TAFA2: variants seen among roughly 807,000 people sequenced by gnomAD.
TAFA2 encodes the protein TAFA chemokine like family member 2.
In TAFA2, 7 loss-of-function variants were observed where a neutral mutation model predicts 18.8. That is an observed-to-expected ratio of 0.37 (90% CI 0.21 to 0.70). TAFA2 has a LOEUF of 0.70. TAFA2 is among the 30% of genes least tolerant of loss of function. The pLI, the probability that TAFA2 is intolerant of heterozygous loss-of-function variation, is 0.53. For synonymous variants in TAFA2, 60 were observed against 54.2 expected (o/e 1.11, Z -0.47); for missense variants, 122 against 158.1 (o/e 0.77, Z 1.23).
intron 1 of TAFA2, among the ~76,000 whole-genome samples, chr12:61,910,475 C>T (rs1345915454): frequency 6.6e-6 from 1 of 152,112 alleles, no homozygotes; most frequent in African/African-American, 2.4e-5. Flanking sequence ...TTCTACCAGC[C>T]TCTCAATTCA....
At chr12:62,211,611 T>C (rs899351064) in intron 1 of TAFA2, among the ~76,000 whole-genome samples, 9 of 149,620 alleles carry the variant, frequency 6.0e-5, no homozygotes, top group African/African-American at 2.2e-4. Flanking sequence ...AAAATGGCCA[T>C]AGAACTCTGG....
At chr12:62,126,170 A>T (rs1443868343) in intron 1 of TAFA2, among the ~76,000 whole-genome samples, 2 of 152,094 alleles carry the variant, frequency 1.3e-5, no homozygotes, top group East Asian at 3.9e-4. Context: ...TTATAAACAT[A>T]CATTGATTCT....
intron 4 of TAFA2, among the ~76,000 whole-genome samples, chr12:61,714,134 C>T (rs1306055789): frequency 6.6e-6 from 1 of 152,084 alleles, no homozygotes; most frequent in Non-Finnish European, 1.5e-5. Flanking sequence ...TGCACACTAT[C>T]TTCTTGTTCT....
intron 1 of TAFA2, among the ~76,000 whole-genome samples, chr12:62,202,872 G>T (rs555332648): frequency 8.0e-6 from 1 of 124,268 alleles, no homozygotes; most frequent in South Asian, 2.8e-4. Flanking sequence ...CTGTCACCCA[G>T]GCTAGAGTGC....
chr12:62,220,038 C>G (rs911976334), intron 1 of TAFA2, among the ~76,000 whole-genome samples: 4 of 151,634 alleles, frequency 2.6e-5, no homozygotes, highest in African/African-American at 9.7e-5. Context: ...GAAATGTTAC[C>G]AAAAATAAAA....
intron 1 of TAFA2, among the ~76,000 whole-genome samples, chr12:62,145,883 C>A (rs944214076): frequency 6.6e-6 from 1 of 152,214 alleles, no homozygotes; most frequent in African/African-American, 2.4e-5. Flanking sequence ...TACCCCACAG[C>A]CTTTTGCTGT....
rs957141099 is a variant in TAFA2, at chr12:62,091,615, C to T, written c.-2+99644G>A. Among the ~76,000 whole-genome samples the T allele has an allele frequency of 1.3e-5, 2 of 151,978 alleles. 1 individual carries two copies. ...CTGATAGGTCAGTTGATACTCTGAG[C>T]CAGTGATTCCAATCTCATACAACAA... On this transcript the variant is annotated intron_variant, in intron 1 of 4. Transcript: ENST00000416284.
At chr12:61,895,103 G>A (rs1875784695) in intron 1 of TAFA2, among the ~76,000 whole-genome samples, 2 of 152,068 alleles carry the variant, frequency 1.3e-5, no homozygotes, top group African/African-American at 4.8e-5. Context: ...GTACTTTCAG[G>A]GTCTGGTACC....
chr12:62,169,040 G>T (rs2062459515), intron 1 of TAFA2, among the ~76,000 whole-genome samples: 1 of 151,894 alleles, frequency 6.6e-6, no homozygotes, highest in African/African-American at 2.4e-5. Context: ...TTAGCTATTT[G>T]ATAATGTTTG....
chr12:62,018,888 A>G (rs1881026200), intron 1 of TAFA2, among the ~76,000 whole-genome samples: 2 of 152,194 alleles, frequency 1.3e-5, no homozygotes, highest in Non-Finnish European at 2.9e-5. Flanking sequence ...TGAACAGGCA[A>G]CCTACAAAAT....
chr12:61,799,042 T>C (rs1474321099), intron 2 of TAFA2, among the ~76,000 whole-genome samples: 1 of 152,242 alleles, frequency 6.6e-6, no homozygotes, highest in Non-Finnish European at 1.5e-5. Flanking sequence ...TAGCTTCCTT[T>C]ATCCTCAGCT....
At chr12:62,010,615 C>A (rs1181297497) in intron 1 of TAFA2, among the ~76,000 whole-genome samples, 2 of 152,094 alleles carry the variant, frequency 1.3e-5, no homozygotes, top group African/African-American at 4.8e-5. Context: ...GCCTGGCTGC[C>A]CTGTCTGGGA....
intron 2 of TAFA2, among the ~76,000 whole-genome samples, chr12:61,830,831 A>G (rs1336015815): frequency 6.6e-6 from 1 of 152,084 alleles, no homozygotes; most frequent in African/African-American, 2.4e-5. Flanking sequence ...TAATTCTACG[A>G]TGAAGATATT....
chr12:61,993,103 C>T (rs1450566951), intron 1 of TAFA2, among the ~76,000 whole-genome samples: 3 of 152,212 alleles, frequency 2.0e-5, no homozygotes, highest in Non-Finnish European at 4.4e-5. Flanking sequence ...GTCCTCTTTT[C>T]ATTAAGCCTC....
At chr12:61,762,518 T>G (rs969202115) in intron 2 of TAFA2, among the ~76,000 whole-genome samples, 1 of 151,932 alleles carries the variant, frequency 6.6e-6, no homozygotes, top group Non-Finnish European at 1.5e-5. Context: ...TTACCTTTAT[T>G]TTTATGATTA....
At chr12:61,950,482 A>G (rs1384551358) in intron 1 of TAFA2, among the ~76,000 whole-genome samples, 2 of 152,042 alleles carry the variant, frequency 1.3e-5, no homozygotes, top group Non-Finnish European at 2.9e-5. Flanking sequence ...AATATCTCAT[A>G]GTTTTGATTT....
rs2062629787 is a variant in TAFA2 at position 62,192,303 on chromosome 12, T to C, written c.-1046A>G. On this transcript the variant is annotated 5_prime_UTR_variant, in exon 1 of 5. Coordinates refer to ENST00000416284, the MANE Select transcript of TAFA2 (RefSeq NM_178539.5). The stretch of plus-strand genomic sequence containing the variant: ...CGATGTCCCCCTGGTAGCAGTGCCC[T>C]GGCACCGTCACCACCGAGGAGGTGC... 1 of 152,184 alleles carries C rather than the reference T, an allele frequency of 6.6e-6. No homozygotes were observed. Among genetic ancestry groups the C allele is most frequent in the Admixed American group, 6.5e-5 (1 of 15,282 alleles). The allele number at this position is 152,184 out of a possible 1,614,324, so 9.4% of individuals were successfully genotyped here.
At chr12:62,217,428 G>A (rs1389089181) in intron 1 of TAFA2, among the ~76,000 whole-genome samples, 1 of 152,188 alleles carries the variant, frequency 6.6e-6, no homozygotes, top group Non-Finnish European at 1.5e-5. Context: ...CTGGGCCCTG[G>A]TAGACAGAGA....
chr12:62,126,186 C>T (rs1870451611), intron 1 of TAFA2, among the ~76,000 whole-genome samples: 1 of 152,006 alleles, frequency 6.6e-6, no homozygotes, highest in Non-Finnish European at 1.5e-5. Flanking sequence ...ATTCTCTACT[C>T]GCTGACAAGC....
Sources: allele counts gnomAD v4.1 joint callset (sites outside exome capture counted in the v4.1 genomes callset), GRCh38; gene constraint gnomAD v4.1.1; transcripts MANE v1.5; gene names NCBI Gene and HGNC (gene_info 2026-07-23, HGNC 2026-07-21).